The following NCOR2 variants were observed in gnomAD, a reference collection of about 807,000 sequenced individuals.
NCOR2 encodes the protein nuclear receptor corepressor 2.
A neutral mutation model predicts 262.9 loss-of-function variants in NCOR2; 81 were observed. The observed-to-expected ratio is 0.31, with a 90% CI of 0.26 to 0.37. NCOR2 has a LOEUF of 0.37. Among genes scored for constraint, NCOR2 ranks in the 10% least tolerant of loss-of-function variants. NCOR2 has a pLI of 1.00. For synonymous variants in NCOR2, 1,659 were observed against 1,559.3 expected (o/e 1.06, Z -1.51); for missense variants, 3,385 against 3,621.4 (o/e 0.93, Z 1.68).
chr12:124,515,652 AGT>A (rs1006649227), intron 1 of NCOR2, among the ~76,000 whole-genome samples: 11 of 87,772 alleles, frequency 1.3e-4, no homozygotes, highest in African/African-American at 2.8e-4. Context: ...TGTGCATATG[AGT>A]GTGAGTGTGC....
chr12:124,488,283 A>AC (rs1315271859), intron 1 of NCOR2, among the ~76,000 whole-genome samples: 1 of 152,124 alleles, frequency 6.6e-6, no homozygotes. Context: ...ATCCATGGGG[A>AC]CCCTGGCAGC....
At chr12:124,565,689 G>A (rs1459703596) in intron 1 of NCOR2, among the ~76,000 whole-genome samples, 2 of 152,180 alleles carry the variant, frequency 1.3e-5, no homozygotes, top group Non-Finnish European at 2.9e-5. Flanking sequence ...AGTACCAAGG[G>A]ATTCTTATGG....
chr12:124,518,597 G>C (rs556073664), intron 1 of NCOR2, among the ~76,000 whole-genome samples: 1 of 152,374 alleles, frequency 6.6e-6, no homozygotes, highest in South Asian at 2.1e-4. Flanking sequence ...AATTACATAA[G>C]TCCACTCCTC....
intron 1 of NCOR2, among the ~76,000 whole-genome samples, chr12:124,555,490 G>A (rs947260935): frequency 2.0e-5 from 3 of 152,190 alleles, no homozygotes; most frequent in African/African-American, 7.2e-5. Flanking sequence ...GGGTGTCATC[G>A]CCACAGCAGT....
intron 11 of NCOR2, among the ~76,000 whole-genome samples, chr12:124,424,371 T>G (rs1417866484): frequency 2.6e-5 from 4 of 152,072 alleles, no homozygotes; most frequent in African/African-American, 9.7e-5. Context: ...GACTTTGATT[T>G]GACGTAGAAA....
At chr12:124,337,972 G>A (rs1382865956) in intron 37 of NCOR2, among the ~76,000 whole-genome samples, 1 of 152,210 alleles carries the variant, frequency 6.6e-6, no homozygotes, top group Non-Finnish European at 1.5e-5. Flanking sequence ...GGCTGTCACG[G>A]GCATATCCCA....
exon 47 of NCOR2, chr12:124,325,377 G>GGCCCC (rs1555297217): frequency 1.2e-5 from 3 of 251,136 alleles, no homozygotes; most frequent in Non-Finnish European, 1.9e-5. Context: ...ACCTGACACC[G>GGCCCC]CCCCCCCCCC....
rs370419324 is a variant in NCOR2 at position 124,376,665 on chromosome 12, C to T, written c.2167+1572G>A. 2.6e-5 allele frequency among the ~76,000 whole-genome samples: 4 copies of T among 152,302 alleles called. No homozygotes were observed. In the East Asian group the frequency reaches 5.8e-4, roughly 22 times the overall value. Reference sequence around the variant, plus strand: ...CAAGGGCCCAGTTGCCCATTTCCAGCGGGAAGCGGGGATTCGGGCTGGTGA... The same window carrying T: ...CAAGGGCCCAGTTGCCCATTTCCAGTGGGAAGCGGGGATTCGGGCTGGTGA... On this transcript the variant is annotated intron_variant, in intron 18 of 46. Transcript: ENST00000405201.
At chr12:124,377,215 A>G (rs1215380972) in intron 18 of NCOR2, among the ~76,000 whole-genome samples, 1 of 151,978 alleles carries the variant, frequency 6.6e-6, no homozygotes, top group Non-Finnish European at 1.5e-5. Context: ...ACTCGGGGGG[A>G]CCCACCAGCA....
intron 1 of NCOR2, among the ~76,000 whole-genome samples, chr12:124,489,235 C>T (rs1250796741): frequency 6.6e-6 from 1 of 152,082 alleles, no homozygotes; most frequent in East Asian, 1.9e-4. Context: ...GAGAGCTCCC[C>T]AACGCGACAA....
At chr12:124,561,147 G>A (rs953880583) in intron 1 of NCOR2, among the ~76,000 whole-genome samples, 1 of 152,188 alleles carries the variant, frequency 6.6e-6, no homozygotes, top group Non-Finnish European at 1.5e-5. Context: ...TCAGCCCCAG[G>A]AGGTAAGAAC....
At chr12:124,346,645 A>G (rs1469803631) in exon 31 of NCOR2, 3 of 1,593,070 alleles carry the variant, frequency 1.9e-6, no homozygotes, top group Admixed American at 1.7e-5. Context: ...GCGGGATCTC[A>G]TGGATGGAGC....
intron 20 of NCOR2, among the ~76,000 whole-genome samples, chr12:124,368,648 T>C (rs1177334523): frequency 6.6e-6 from 1 of 152,196 alleles, no homozygotes; most frequent in African/African-American, 2.4e-5. Context: ...GCACTGGTGG[T>C]TCCCAGGGGG....
At position 124,378,839 on chromosome 12, in the gene NCOR2, A is replaced by G. The variant is rs1212380910; in HGVS notation, c.2020-455T>C. ...GGGAAGCTCGCGTTTCATTCCCTGA[A>G]CCTTTACAGAACACCTACTGTGTGC... On this transcript the variant is annotated intron_variant, in intron 17 of 46. Transcript: ENST00000405201. This position sits in a 1 kb window ranked among gnomAD's most constrained non-coding sequence, Gnocchi z 4.2. 6.6e-6 allele frequency among the ~76,000 whole-genome samples: 1 copy of G among 152,136 alleles called. No individual in the cohort carries two copies. Among genetic ancestry groups the G allele is most frequent in the Non-Finnish European group, 1.5e-5 (1 of 68,024 alleles).
At position 124,548,076 on chromosome 12, in the gene NCOR2, T is replaced by TTCTCTCCCA. The variant is rs2051595716; in HGVS notation, c.-164-12466_-164-12465insTGGGAGAGA. On this transcript the variant is annotated intron_variant, in intron 1 of 32. Coordinates refer to the NCOR2 transcript ENST00000458234. This position sits in a 1 kb window ranked among gnomAD's most constrained non-coding sequence, Gnocchi z 5.1. Reference sequence around the variant, plus strand: ...AGCCAGCTGGTGGGAGAGAGGGGCCTGGGGTGCCCCAGGCCGGGCAGGTCC... The same window carrying TTCTCTCCCA: ...AGCCAGCTGGTGGGAGAGAGGGGCCTTCTCTCCCAGGGGTGCCCCAGGCCGGGCAGGTCC... 6.6e-6 allele frequency among the ~76,000 whole-genome samples: 1 copy of TTCTCTCCCA among 151,730 alleles called. No homozygotes were observed. The highest frequency in any genetic ancestry group is 1.5e-5 in the Non-Finnish European group (1 of 67,878).
intron 6 of NCOR2, among the ~76,000 whole-genome samples, chr12:124,452,630 C>T (rs996586948): frequency 6.6e-6 from 1 of 152,264 alleles, no homozygotes; most frequent in Non-Finnish European, 1.5e-5. Flanking sequence ...TGGAAGCCCA[C>T]AGCACGCAGC....
intron 31 of NCOR2, 66 bp from the exon 34 acceptor site, chr12:124,345,017 C>A: frequency 2.2e-6 from 3 of 1,369,080 alleles, no homozygotes; most frequent in Admixed American, 2.6e-5. Flanking sequence ...CTGCATCCCC[C>A]TTCTGAGCCT....
chr12:124,567,603 C>CGGCGGT (rs1232644961), upstream of NCOR2: 3 of 123,410 alleles, frequency 2.4e-5, no homozygotes, highest in Admixed American at 8.0e-5. Flanking sequence ...GCGGCCGCGG[C>CGGCGGT]GGCGGTGGCG....
rs1267898983 is a variant in NCOR2, at chr12:124,555,897, C to G, written c.-165+11411G>C. The G allele has an allele frequency of 2.0e-5, 3 of 152,306 alleles. No individual in the cohort carries two copies. The East Asian group carries it at 5.8e-4, about 29-fold the overall frequency. The allele number at this position is 152,306 out of a possible 1,614,324, so 9.4% of individuals were successfully genotyped here. A position where few individuals can be genotyped will look rare whatever the true frequency, so the allele number is the denominator to read the frequency against. ...GAACACCCACACGGCAAACTGAAAA[C>G]AGTAAGCACTGGCCCAGCCCACATG... On this transcript the variant is annotated intron_variant, in intron 1 of 32. Transcript: ENST00000458234.
Sources: gnomAD v4.1 joint callset for allele counts (sites outside exome capture counted in the v4.1 genomes callset) on GRCh38, gnomAD v4.1.1 for gene constraint, Gnocchi (gnomAD v3.1) non-coding constraint, MANE v1.5 for transcripts, NCBI Gene and HGNC (gene_info 2026-07-23, HGNC 2026-07-21) for gene names.